Variants in AAGAB observed in about 807,000 individuals in gnomAD.
AAGAB encodes alpha and gamma adaptin binding protein.
In AAGAB, 38 loss-of-function variants were observed where a neutral mutation model predicts 44.1. The ratio of observed to expected loss-of-function variants is 0.86; its 90% CI spans 0.67 to 1.13. The LOEUF is 1.13. Ranked by LOEUF, AAGAB falls within the 50% of genes most tolerant of loss-of-function variation. The pLI is 0.00. For missense variants in AAGAB, 450 were observed against 373.8 expected, an observed-to-expected ratio of 1.20 and a Z score of -1.68; for synonymous variants, 131 against 131.8, an observed-to-expected ratio of 0.99 and a Z score of 0.04.
At chr15:67,207,229 C>T (rs970663488) in intron 7 of AAGAB, among the ~76,000 whole-genome samples, 1 of 152,096 alleles carries the variant, frequency 6.6e-6, no homozygotes, top group African/African-American at 2.4e-5. Context: ...CACACACACA[C>T]AAAAAGAAAG....
intron 1 of AAGAB, among the ~76,000 whole-genome samples, chr15:67,250,667 A>T (rs909090200): frequency 4.6e-5 from 7 of 152,194 alleles, no homozygotes; most frequent in Admixed American, 3.9e-4. Context: ...CATGGAGTAG[A>T]TATTTGCTCT....
intron 3 of AAGAB, 50 bp from the exon 4 acceptor site, chr15:67,236,118 T>C (rs1388734169): frequency 3.7e-6 from 5 of 1,349,810 alleles, no homozygotes; most frequent in Non-Finnish European, 5.3e-6. Flanking sequence ...AAATAAAACA[T>C]GACTATTCCT....
intron 5 of AAGAB, among the ~76,000 whole-genome samples, chr15:67,229,672 G>A (rs761488497): frequency 4.6e-5 from 7 of 151,982 alleles, no homozygotes; most frequent in Admixed American, 3.3e-4. Flanking sequence ...CTCTAATGAC[G>A]ACAAGGGTTA....
At chr15:67,217,461 T>C (rs1324089696) in intron 5 of AAGAB, among the ~76,000 whole-genome samples, 2 of 152,264 alleles carry the variant, frequency 1.3e-5, no homozygotes, top group Non-Finnish European at 2.9e-5. Flanking sequence ...AAAACAATTT[T>C]ATTTAAGGCA....
At chr15:67,228,487 G>A (rs936785149) in intron 5 of AAGAB, among the ~76,000 whole-genome samples, 1 of 152,192 alleles carries the variant, frequency 6.6e-6, no homozygotes, top group Admixed American at 6.5e-5. Context: ...ATGTTGGTGA[G>A]GTTGCAGAGG....
At chr15:67,235,440 A>G (rs948937869) in intron 4 of AAGAB, among the ~76,000 whole-genome samples, 2 of 152,120 alleles carry the variant, frequency 1.3e-5, no homozygotes, top group African/African-American at 4.8e-5. Flanking sequence ...GGGGAAGGGG[A>G]GTAGAAGAGG....
chr15:67,227,175 C>T (rs1379652171), intron 5 of AAGAB, among the ~76,000 whole-genome samples: 1 of 152,130 alleles, frequency 6.6e-6, no homozygotes, highest in African/African-American at 2.4e-5. Context: ...ACTAACTAGA[C>T]AATACATAAT....
intron 1 of AAGAB, among the ~76,000 whole-genome samples, chr15:67,238,758 T>C (rs1175529958): frequency 1.3e-5 from 2 of 151,090 alleles, no homozygotes; most frequent in Admixed American, 1.3e-4. Flanking sequence ...TGCAGTGGCG[T>C]GATCTCGGCT....
At chr15:67,207,036 C>G (rs910328294) in intron 7 of AAGAB, among the ~76,000 whole-genome samples, 63 of 152,184 alleles carry the variant, frequency 4.1e-4, no homozygotes, top group African/African-American at 1.5e-3. Context: ...CAACACAAAA[C>G]AAAATTAGCT....
At chr15:67,248,223 T>C (rs1166757251) in intron 1 of AAGAB, among the ~76,000 whole-genome samples, 1 of 152,144 alleles carries the variant, frequency 6.6e-6, no homozygotes, top group Non-Finnish European at 1.5e-5. Context: ...AAAATGTAAA[T>C]ATATTAAGTA....
chr15:67,205,873 C>G (rs1401655142), intron 7 of AAGAB, among the ~76,000 whole-genome samples: 2 of 141,758 alleles, frequency 1.4e-5, no homozygotes, highest in African/African-American at 5.2e-5. Context: ...TGCCTTAAAT[C>G]TTTTTCTTAA....
chr15:67,216,442 G>GA lies in AAGAB; in HGVS notation c.536-6899dup, dbSNP rs60381455. On this transcript the variant is annotated intron_variant, in intron 5 of 9. Transcript: ENST00000261880. Reference sequence around the variant, plus strand: ...GGGTGACAGAGCAAGACTCACTCTTGAAAAAAAAAAAAAAAAAAAAAAAAA... The same window carrying GA: ...GGGTGACAGAGCAAGACTCACTCTTGAAAAAAAAAAAAAAAAAAAAAAAAAA... Among the ~76,000 whole-genome samples the GA allele has an allele frequency of 8.1e-4, 42 of 52,152 alleles. 1 individual carries two copies. The highest frequency in any genetic ancestry group is 2.5e-3 in the African/African-American group (30 of 11,840). The allele number at this position is 52,152 out of a possible 152,430, so 34.2% of individuals were successfully genotyped here.
rs761177603 is a variant in AAGAB at position 67,208,597 on chromosome 15, G to C, written c.680C>G (p.Ser227Cys). Residue 227 changes from serine to cysteine, a missense_variant, in exon 7 of 10, where the codon TCT becomes TGT. Ser to Cys is a moderately radical substitution (Grantham distance 112). Transcript: ENST00000261880. ...ESLSDHRGGA[S>C]NTTDAQVDSI... Reference sequence around the variant, plus strand: ...ATCAACCTGGGCATCTGTTGTGTTAGATGCACCACCCCGATGATCAGAGAG... The same window carrying C: ...ATCAACCTGGGCATCTGTTGTGTTACATGCACCACCCCGATGATCAGAGAG... The C allele has an allele frequency of 1.9e-6, 3 of 1,614,158 alleles. 1 individual carries two copies. The highest frequency in any genetic ancestry group is 2.2e-5 in the East Asian group (1 of 44,886).
chr15:67,225,187 A>T (rs542100633), intron 5 of AAGAB, among the ~76,000 whole-genome samples: 4 of 152,318 alleles, frequency 2.6e-5, no homozygotes, highest in African/African-American at 9.6e-5. Flanking sequence ...CACGTTTGAG[A>T]ACTGATGAGC....
chr15:67,234,002 G>C (rs1439638294), intron 4 of AAGAB, among the ~76,000 whole-genome samples: 1 of 151,966 alleles, frequency 6.6e-6, no homozygotes, highest in African/African-American at 2.4e-5. Context: ...CAGCACTTTG[G>C]GAGGCCGAGG....
chr15:67,228,163 C>T (rs1299536808), intron 5 of AAGAB, among the ~76,000 whole-genome samples: 1 of 152,126 alleles, frequency 6.6e-6, no homozygotes, highest in Non-Finnish European at 1.5e-5. Flanking sequence ...TATTACAAGG[C>T]AATAGTTCTT....
At position 67,254,576 on chromosome 15, in the gene AAGAB, C is replaced by G; in HGVS notation, c.56G>C (p.Gly19Ala). The G allele has an allele frequency of 1.9e-6, 3 of 1,609,858 alleles. No individual in the cohort carries two copies. The highest frequency in any genetic ancestry group is 2.5e-6 in the Non-Finnish European group (3 of 1,178,968). ...CTACTCACGTTGGACCAGCTGGTCT[C>G]CTGAGAAGACGGAGGAGCAGCTGGT... ...LVTSCSSVFS[G>A]DQLVQHILGT... Residue 19 changes from glycine (G) to alanine (A), a missense_variant, in exon 1 of 10, where the codon GGA becomes GCA. By Grantham distance (60) the Gly-to-Ala change is moderately conservative (BLOSUM62 0). Coordinates refer to ENST00000261880, the MANE Select transcript of AAGAB (RefSeq NM_024666.5).
chr15:67,244,257 G>A (rs1321785716), intron 1 of AAGAB, among the ~76,000 whole-genome samples: 1 of 152,160 alleles, frequency 6.6e-6, no homozygotes, highest in Admixed American at 6.5e-5. Context: ...CAGATCCAAC[G>A]TCCCAGCATC....
intron 7 of AAGAB, among the ~76,000 whole-genome samples, chr15:67,205,274 A>G (rs1485009004): frequency 6.6e-6 from 1 of 152,232 alleles, no homozygotes; most frequent in Non-Finnish European, 1.5e-5. Flanking sequence ...ATTTGCATCT[A>G]TCACAATGCC....
Sources: gnomAD v4.1 joint callset for allele counts (sites outside exome capture counted in the v4.1 genomes callset) on GRCh38, gnomAD v4.1.1 for gene constraint, MANE v1.5 for transcripts, NCBI Gene and HGNC (gene_info 2026-07-23, HGNC 2026-07-21) for gene names.